CDH13: variants seen among roughly 807,000 people sequenced by gnomAD.
The protein encoded by CDH13 is cadherin 13, also known as cadherin-13.
Under a neutral mutation model 63.8 loss-of-function variants are expected in CDH13, and 24 were observed. The observed-to-expected ratio is 0.38, with a 90% CI of 0.27 to 0.53. CDH13 has a LOEUF of 0.53. Among genes scored for constraint, CDH13 ranks in the 20% least tolerant of loss-of-function variants. The pLI is 0.85. For synonymous variants in CDH13, 503 were observed against 355.3 expected (o/e 1.42, Z -4.67); for missense variants, 1,049 against 903.1 (o/e 1.16, Z -2.07).
At chr16:83,141,608 A>G (rs1268438325) in intron 4 of CDH13, among the ~76,000 whole-genome samples, 1 of 152,104 alleles carries the variant, frequency 6.6e-6, no homozygotes, top group African/African-American at 2.4e-5. Context: ...CTATCAACCC[A>G]TCATCTACGT....
At chr16:82,783,844 C>T (rs1414796251) in intron 1 of CDH13, among the ~76,000 whole-genome samples, 2 of 152,198 alleles carry the variant, frequency 1.3e-5, no homozygotes, top group African/African-American at 4.8e-5. Context: ...GGTAATCAGG[C>T]TCTCTGCATA....
chr16:83,568,970 C>T (rs1904325242), intron 7 of CDH13, among the ~76,000 whole-genome samples: 1 of 152,060 alleles, frequency 6.6e-6, no homozygotes, highest in African/African-American at 2.4e-5. Context: ...TTCTGAAACA[C>T]TCTCCTCTGC....
chr16:83,608,745 C>A (rs542072459), intron 8 of CDH13, among the ~76,000 whole-genome samples: 1 of 150,500 alleles, frequency 6.6e-6, no homozygotes, highest in South Asian at 2.1e-4. Context: ...TGGGCCCAAG[C>A]AATCCACCCA....
intron 2 of CDH13, among the ~76,000 whole-genome samples, chr16:82,914,441 A>C (rs1213154834): frequency 1.3e-5 from 2 of 152,214 alleles, no homozygotes; most frequent in African/African-American, 4.8e-5. Flanking sequence ...ACTAGTAAAT[A>C]GTGGAATAGG....
In CDH13 at chr16:82,977,025, C is replaced by T. The variant is rs116296612; in HGVS notation, c.158-54985C>T. Among the ~76,000 whole-genome samples, 792 of 152,230 alleles carry T rather than the reference C, an allele frequency of 5.2e-3. 2 individuals carry two copies. The highest frequency in any genetic ancestry group is 0.017 in the Middle Eastern group (5 of 294). On this transcript the variant is annotated intron_variant, in intron 2 of 13. Coordinates refer to ENST00000567109, the MANE Select transcript of CDH13 (RefSeq NM_001257.5). ...CCCCCAACAAATGGTGCTAGGAAAA[C>T]GAAAACAAAAGCTATATATTTCCTC... is the stretch of plus-strand genomic sequence containing the variant.
chr16:83,001,890 A>T (rs2151424092), intron 2 of CDH13, among the ~76,000 whole-genome samples: 1 of 152,308 alleles, frequency 6.6e-6, no homozygotes, highest in East Asian at 1.9e-4. Context: ...ATCTCAGTAA[A>T]TTTGTCTCAG....
intron 1 of CDH13, among the ~76,000 whole-genome samples, chr16:82,705,615 T>C (rs1418983137): frequency 1.3e-5 from 2 of 152,176 alleles, no homozygotes; most frequent in Non-Finnish European, 2.9e-5. Context: ...ATTTTTTTGG[T>C]AGGGACACAT....
chr16:82,665,380 G>C (rs76246462), intron 1 of CDH13, among the ~76,000 whole-genome samples: 1 of 152,198 alleles, frequency 6.6e-6, no homozygotes, highest in African/African-American at 2.4e-5. Flanking sequence ...TCTTTAAACC[G>C]AGGCGCACGT....
chr16:83,800,137 A>G lies in CDH13; in HGVS notation c.*5107A>G, dbSNP rs1462859679. 1 of 152,156 alleles carries G rather than the reference A, an allele frequency of 6.6e-6. No homozygotes were observed. Among genetic ancestry groups the G allele is most frequent in the African/African-American group, 2.4e-5 (1 of 41,426 alleles). 9.4% of individuals were successfully genotyped at this position (152,156 alleles called of 1,614,324 possible). On this transcript the variant is annotated 3_prime_UTR_variant, in exon 14 of 14. Transcript: ENST00000567109. Reference sequence around the variant, plus strand: ...CACGTGCCGTCTCATTGGTAGGGAGATGGTGAAAAGCGTTGGGTGGTGTAG... The same window carrying G: ...CACGTGCCGTCTCATTGGTAGGGAGGTGGTGAAAAGCGTTGGGTGGTGTAG...
intron 2 of CDH13, among the ~76,000 whole-genome samples, chr16:82,871,916 G>T (rs1408855311): frequency 6.6e-6 from 1 of 152,150 alleles, no homozygotes; most frequent in Non-Finnish European, 1.5e-5. Flanking sequence ...TGTTTTCCCA[G>T]TGTTCCAGCA....
intron 1 of CDH13, among the ~76,000 whole-genome samples, chr16:82,665,031 C>G (rs901865396): frequency 1.3e-4 from 20 of 152,176 alleles, no homozygotes; most frequent in African/African-American, 4.6e-4. Flanking sequence ...GTTGTGGTCA[C>G]TTGCAGACAT....
At chr16:83,626,687 G>A (rs993815918) in intron 8 of CDH13, among the ~76,000 whole-genome samples, 2 of 152,032 alleles carry the variant, frequency 1.3e-5, no homozygotes, top group Non-Finnish European at 2.9e-5. Context: ...TTTCTCGGAG[G>A]ATGACTTTGC....
chr16:83,245,466 G>A (rs185520653), intron 5 of CDH13, among the ~76,000 whole-genome samples: 55 of 152,376 alleles, frequency 3.6e-4, no homozygotes, highest in African/African-American at 1.3e-3. Context: ...GCTAAGGAAA[G>A]CAAGTGCTGA....
chr16:83,533,853 C>A (rs7202147), intron 7 of CDH13, among the ~76,000 whole-genome samples: 2 of 151,692 alleles, frequency 1.3e-5, no homozygotes, highest in African/African-American at 2.4e-5. Context: ...ACTCCTGACC[C>A]CAAGTGATCC....
chr16:83,067,374 C>A (rs1161430235), intron 3 of CDH13, among the ~76,000 whole-genome samples: 1 of 152,148 alleles, frequency 6.6e-6, no homozygotes, highest in Non-Finnish European at 1.5e-5. Context: ...TCCCTTTGAG[C>A]CATAGTTTCC....
At chr16:83,596,149 A>C (rs1907235006) in intron 7 of CDH13, among the ~76,000 whole-genome samples, 2 of 152,172 alleles carry the variant, frequency 1.3e-5, no homozygotes, top group Admixed American at 1.3e-4. Flanking sequence ...TGACCTTGAT[A>C]ATGGGGCCCC....
At chr16:83,351,576 A>G (rs1464643959) in intron 6 of CDH13, among the ~76,000 whole-genome samples, 2 of 152,154 alleles carry the variant, frequency 1.3e-5, no homozygotes, top group African/African-American at 2.4e-5. Flanking sequence ...AAGCAACATC[A>G]TTGTTTCAAA....
chr16:83,077,300 T>G (rs2032921685), intron 3 of CDH13, among the ~76,000 whole-genome samples: 1 of 149,840 alleles, frequency 6.7e-6, no homozygotes, highest in Non-Finnish European at 1.5e-5. Flanking sequence ...CGAGCGATTC[T>G]TGTGTCTCAG....
At position 83,351,632 on chromosome 16, in the gene CDH13, T is replaced by C. The variant is rs1216963005; in HGVS notation, c.781+6626T>C. ...CATCGTCTCCTTAACCAATTTCCTA[T>C]CGATTTAAGTTGTTTTCACTTTTCT... On this transcript the variant is annotated intron_variant, in intron 6 of 13. Transcript: ENST00000567109. 2.0e-5 allele frequency among the ~76,000 whole-genome samples: 3 copies of C among 152,358 alleles called. No individual in the cohort carries two copies. In the East Asian group the frequency reaches 5.8e-4, roughly 29 times the overall value.
Sources: gnomAD v4.1 joint callset for allele counts (sites outside exome capture counted in the v4.1 genomes callset) on GRCh38, gnomAD v4.1.1 for gene constraint, MANE v1.5 for transcripts, NCBI Gene and HGNC (gene_info 2026-07-23, HGNC 2026-07-21) for gene names.